The following ARAP2 variants were observed in gnomAD, a reference collection of about 807,000 sequenced individuals.
ARAP2 encodes arf-GAP with Rho-GAP domain, ANK repeat and PH domain-containing protein 2.
In ARAP2, 148 loss-of-function variants were observed where a neutral mutation model predicts 194.5. The observed-to-expected ratio is 0.76, with a 90% CI of 0.67 to 0.87. ARAP2 has a LOEUF of 0.87. Ranked by LOEUF, ARAP2 falls within the 40% of genes least tolerant of loss-of-function variation. The probability of loss-of-function intolerance (pLI) is 0.00; values close to 1 mark genes in which losing one functional copy is unlikely to be tolerated. For missense variants in ARAP2, 2,128 were observed against 1,989.7 expected (o/e 1.07, Z -1.32); for synonymous variants, 695 against 683.5 (o/e 1.02, Z -0.26).
chr4:36,139,242 T>C (rs1727621988), intron 19 of ARAP2, among the ~76,000 whole-genome samples: 1 of 151,640 alleles, frequency 6.6e-6, no homozygotes, highest in South Asian at 2.1e-4. Context: ...TGGGAATAAA[T>C]ATGTTTGCCT....
At chr4:36,010,482 T>G (rs2109307588) in intron 9 of ARAP2, among the ~76,000 whole-genome samples, 1 of 152,164 alleles carries the variant, frequency 6.6e-6, no homozygotes, top group South Asian at 2.1e-4. Context: ...GTCAAGTGCC[T>G]CATTTCCCAG....
chr4:36,151,384 G>A (rs1296316968), intron 15 of ARAP2, among the ~76,000 whole-genome samples: 2 of 152,172 alleles, frequency 1.3e-5, no homozygotes, highest in African/African-American at 4.8e-5. Context: ...CAAAAACGTA[G>A]CATGAAAAGT....
intron 2 of ARAP2, among the ~76,000 whole-genome samples, chr4:36,219,931 T>C (rs1282276660): frequency 6.6e-6 from 1 of 152,114 alleles, no homozygotes; most frequent in East Asian, 1.9e-4. Context: ...TTTTTTAAGA[T>C]CACAAAATGG....
intron 1 of ARAP2, among the ~76,000 whole-genome samples, chr4:36,235,619 T>C (rs1752295456): frequency 6.6e-6 from 1 of 152,242 alleles, no homozygotes; most frequent in Non-Finnish European, 1.5e-5. Context: ...TCAGGGATCT[T>C]GTCTACTGTT....
chr4:36,056,747 T>C (rs1460321173), intron 2 of ARAP2, among the ~76,000 whole-genome samples: 1 of 152,152 alleles, frequency 6.6e-6, no homozygotes, highest in Non-Finnish European at 1.5e-5. Flanking sequence ...TATTTTAGTT[T>C]TCCATTTTTC....
intron 8 of ARAP2, among the ~76,000 whole-genome samples, chr4:36,185,881 G>A (rs1271316990): frequency 1.3e-5 from 2 of 151,678 alleles, no homozygotes; most frequent in Non-Finnish European, 2.9e-5. Flanking sequence ...GGGAGGCTGA[G>A]CCAGGACAAT....
chr4:36,100,899 T>C (rs1193972155), intron 27 of ARAP2, among the ~76,000 whole-genome samples: 1 of 151,992 alleles, frequency 6.6e-6, no homozygotes, highest in Non-Finnish European at 1.5e-5. Flanking sequence ...TATGCCCCCT[T>C]CACTCCAATC....
At chr4:36,042,230 G>C (rs1720985675) in intron 5 of ARAP2, among the ~76,000 whole-genome samples, 1 of 151,954 alleles carries the variant, frequency 6.6e-6, no homozygotes, top group African/African-American at 2.4e-5. Flanking sequence ...TCAACATGTG[G>C]CATATGAAAA....
chr4:36,190,800 T>G (rs1415699147), intron 7 of ARAP2, among the ~76,000 whole-genome samples: 4 of 152,128 alleles, frequency 2.6e-5, no homozygotes, highest in Non-Finnish European at 5.9e-5. Context: ...AAGGGGAACA[T>G]GTAGGAAAAG....
Position 36,100,781 on chromosome 4 carries a change from GA to G in ARAP2, c.4285+6783del, listed in dbSNP as rs568470123. Among the ~76,000 whole-genome samples, 5 of 151,912 alleles carry G rather than the reference GA, an allele frequency of 3.3e-5. 1 individual carries two copies. The South Asian group carries it at 1.0e-3, about 32-fold the overall frequency. ...TACTTTCTTTTTTTAATTAACACTT[GA>G]AGATTTATTTTTAGAACACTAATGG... On this transcript the variant is annotated intron_variant, in intron 27 of 32. Coordinates refer to ENST00000303965, the MANE Select transcript of ARAP2 (RefSeq NM_015230.4).
At chr4:36,222,644 G>A (rs1358812482) in intron 2 of ARAP2, among the ~76,000 whole-genome samples, 5 of 151,950 alleles carry the variant, frequency 3.3e-5, no homozygotes, top group South Asian at 2.1e-4. Flanking sequence ...GGTTACTTCC[G>A]GGCACAAAGG....
At chr4:36,042,070 G>T (rs755436241) in intron 5 of ARAP2, among the ~76,000 whole-genome samples, 1 of 152,012 alleles carries the variant, frequency 6.6e-6, no homozygotes, top group African/African-American at 2.4e-5. Flanking sequence ...ATAATTATTG[G>T]GTACTGGGCT....
Position 36,124,976 on chromosome 4 carries a change from G to GA in ARAP2, c.3641-10dup, listed in dbSNP as rs141394504. The stretch of plus-strand genomic sequence containing the variant: ...CTTGTCATCTTGCGTATCTGAAGGG[G>GA]AAAAAAAAACAATCTTGAGATCTAA... On this transcript the variant is annotated splice_polypyrimidine_tract_variant and intron_variant, in intron 21 of 32. Transcript: ENST00000303965. The GA allele has an allele frequency of 1.7e-3, 2,458 of 1,472,288 alleles. 1 individual carries two copies. Among genetic ancestry groups the GA allele is most frequent in the Admixed American group, 2.0e-3 (106 of 52,672 alleles). The allele number at this position is 1,472,288 out of a possible 1,614,324, so 91.2% of individuals were successfully genotyped here. A position where few individuals can be genotyped will look rare whatever the true frequency, so the allele number is the denominator to read the frequency against.
rs574056073 is a variant in ARAP2 at position 36,161,206 on chromosome 4, T to TA, written c.2259+258dup. Among the ~76,000 whole-genome samples, 185 of 149,326 alleles carry TA rather than the reference T, an allele frequency of 1.2e-3. 1 individual carries two copies. Among genetic ancestry groups the TA allele is most frequent in the African/African-American group, 4.4e-3 (179 of 40,578 alleles). The stretch of plus-strand genomic sequence containing the variant: ...ACACACACATATACAGTTCTAGCAT[T>TA]AAAAAAAAACAAGCTGGCAAACCTT... On this transcript the variant is annotated intron_variant, in intron 12 of 32. Coordinates refer to ENST00000303965, the MANE Select transcript of ARAP2 (RefSeq NM_015230.4).
At chr4:36,205,087 AAATT>A (rs1745264809) in intron 6 of ARAP2, among the ~76,000 whole-genome samples, 2 of 151,818 alleles carry the variant, frequency 1.3e-5, no homozygotes, top group Admixed American at 6.6e-5. Flanking sequence ...TCAATGAAAA[AAATT>A]AATCATACTA....
At position 36,133,064 on chromosome 4, in the gene ARAP2, A is replaced by T. The variant is rs572466014; in HGVS notation, c.3427+162T>A. On this transcript the variant is annotated intron_variant, in intron 20 of 32. Coordinates refer to ENST00000303965, the MANE Select transcript of ARAP2 (RefSeq NM_015230.4). Reference sequence around the variant, plus strand: ...TAGTTTAAATGAGTCTTATTGGGAGAAGGAATGGTAATTAGCTGAACAGTA... The same window carrying T: ...TAGTTTAAATGAGTCTTATTGGGAGTAGGAATGGTAATTAGCTGAACAGTA... 3.3e-5 allele frequency among the ~76,000 whole-genome samples: 5 copies of T among 151,902 alleles called. No homozygotes were observed. In the South Asian group the frequency reaches 1.0e-3, roughly 31 times the overall value.
chr4:36,195,047 T>A (rs112698837), intron 6 of ARAP2, among the ~76,000 whole-genome samples: 193 of 150,580 alleles, frequency 1.3e-3, no homozygotes, highest in African/African-American at 4.5e-3. Context: ...ACAACTGTTG[T>A]CCAAGCTATT....
At chr4:36,124,303 G>T (rs1017566999) in intron 22 of ARAP2, among the ~76,000 whole-genome samples, 1 of 151,424 alleles carries the variant, frequency 6.6e-6, no homozygotes, top group Non-Finnish European at 1.5e-5. Context: ...AATAATTCCT[G>T]CTAAGATTTA....
At chr4:36,210,284 G>A in intron 6 of ARAP2, 106 bp downstream of exon 6, 3 of 962,804 alleles carry the variant, frequency 3.1e-6, no homozygotes, top group African/African-American at 1.7e-5. Flanking sequence ...GTGTATGTGT[G>A]TGTGTGGCGG....
Sources: allele counts gnomAD v4.1 joint callset (sites outside exome capture counted in the v4.1 genomes callset), GRCh38; gene constraint gnomAD v4.1.1; transcripts MANE v1.5; gene names NCBI Gene and HGNC (gene_info 2026-07-23, HGNC 2026-07-21).